Variants in TBC1D4 observed in about 807,000 individuals in gnomAD.
The protein encoded by TBC1D4 is TBC1 domain family member 4.
TBC1D4 carries 121 observed loss-of-function variants against 142.5 expected under a neutral mutation model. The observed-to-expected ratio is 0.85, with a 90% CI of 0.73 to 0.99. The LOEUF (loss-of-function observed/expected upper bound fraction) is 0.99. Among genes scored for constraint, TBC1D4 ranks in the 50% least tolerant of loss-of-function variants. The pLI, the probability that TBC1D4 is intolerant of heterozygous loss-of-function variation, is 0.00. For missense variants in TBC1D4, 1,475 were observed against 1,606.6 expected, an observed-to-expected ratio of 0.92 and a Z score of 1.40; for synonymous variants, 630 against 628.2, an observed-to-expected ratio of 1.00 and a Z score of -0.04.
intron 12 of TBC1D4, among the ~76,000 whole-genome samples, chr13:75,315,884 C>T (rs1566370883): frequency 6.6e-6 from 1 of 152,046 alleles, no homozygotes; most frequent in Admixed American, 6.5e-5. Context: ...TTGACCATGA[C>T]AATGTTGTTA....
chr13:75,300,371 C>T (rs1444714175), intron 16 of TBC1D4, among the ~76,000 whole-genome samples: 1 of 122,792 alleles, frequency 8.1e-6, no homozygotes, highest in Non-Finnish European at 1.8e-5. Flanking sequence ...TCAAAGCTGT[C>T]TATATTGGTA....
intron 3 of TBC1D4, among the ~76,000 whole-genome samples, chr13:75,356,738 C>T (rs142539561): frequency 7.9e-5 from 12 of 152,180 alleles, no homozygotes; most frequent in African/African-American, 2.9e-4. Context: ...TTTATAGACA[C>T]TCAAGCAGCC....
rs148895289 is a variant in TBC1D4, at chr13:75,425,948, G to C, written c.498+55322C>G. Reference sequence around the variant, plus strand: ...TATTATATACTCGAAGTCTTTGAGAGAGTAGATTTTAAAGGTTCTCACCAC... The same window carrying C: ...TATTATATACTCGAAGTCTTTGAGACAGTAGATTTTAAAGGTTCTCACCAC... On this transcript the variant is annotated intron_variant, in intron 1 of 20. Transcript: ENST00000377636. Among the ~76,000 whole-genome samples, 918 of 152,260 alleles carry C rather than the reference G, an allele frequency of 6.0e-3. 9 individuals are homozygous for C. The highest frequency in any genetic ancestry group is 0.021 in the African/African-American group (889 of 41,548).
chr13:75,344,873 T>A (rs1881023222), intron 5 of TBC1D4, among the ~76,000 whole-genome samples: 1 of 152,230 alleles, frequency 6.6e-6, no homozygotes, highest in Non-Finnish European at 1.5e-5. Context: ...TCTGGTTTTT[T>A]AAAATATCTT....
intron 13 of TBC1D4, among the ~76,000 whole-genome samples, chr13:75,311,250 T>C: frequency 6.6e-6 from 1 of 152,196 alleles, no homozygotes; most frequent in Non-Finnish European, 1.5e-5. Flanking sequence ...TTCTCTGATC[T>C]GCAAAGTTCA....
At chr13:75,367,366 T>C (rs149311931) in intron 1 of TBC1D4, among the ~76,000 whole-genome samples, 3 of 152,232 alleles carry the variant, frequency 2.0e-5, no homozygotes, top group East Asian at 3.9e-4. Flanking sequence ...TGTTTAAAAA[T>C]AGATATGACG....
Position 75,403,775 on chromosome 13 carries a change from T to C in TBC1D4, c.499-41168A>G, listed in dbSNP as rs145871020. Among the ~76,000 whole-genome samples, 7 of 152,306 alleles carry C rather than the reference T, an allele frequency of 4.6e-5. 1 individual carries two copies. In the East Asian group the frequency reaches 1.4e-3, roughly 29 times the overall value. ...ACTATTAAAAGTTTTGTGTTTACTATTTAAACAGCTCAAGAAAACTCACAA... is the reference window on the plus strand; with the variant it reads ...ACTATTAAAAGTTTTGTGTTTACTACTTAAACAGCTCAAGAAAACTCACAA... On this transcript the variant is annotated intron_variant, in intron 1 of 20. Coordinates refer to ENST00000377636, the MANE Select transcript of TBC1D4 (RefSeq NM_014832.5).
At chr13:75,436,062 G>A (rs920280005) in intron 1 of TBC1D4, among the ~76,000 whole-genome samples, 1 of 152,170 alleles carries the variant, frequency 6.6e-6, no homozygotes, top group Non-Finnish European at 1.5e-5. Flanking sequence ...ATTGAATCAT[G>A]GCAGCAGGTT....
chr13:75,404,328 T>C (rs1333443705), intron 1 of TBC1D4, among the ~76,000 whole-genome samples: 1 of 152,180 alleles, frequency 6.6e-6, no homozygotes, highest in Non-Finnish European at 1.5e-5. Context: ...ACACCCAGTT[T>C]CTTCTATTGT....
chr13:75,404,065 C>CACAT (rs1555317243), intron 1 of TBC1D4, among the ~76,000 whole-genome samples: 26 of 103,000 alleles, frequency 2.5e-4, no homozygotes, highest in Non-Finnish European at 4.2e-4. Context: ...TATATACATA[C>CACAT]ACACACACAC....
chr13:75,470,501 C>T (rs1385670384), intron 1 of TBC1D4, among the ~76,000 whole-genome samples: 1 of 152,114 alleles, frequency 6.6e-6, no homozygotes, highest in African/African-American at 2.4e-5. Context: ...CATATTGTAA[C>T]AAAACGTCCA....
intron 1 of TBC1D4, among the ~76,000 whole-genome samples, chr13:75,404,185 G>C (rs2138364514): frequency 6.6e-6 from 1 of 152,236 alleles, no homozygotes; most frequent in East Asian, 1.9e-4. Flanking sequence ...GGCGCAGTAA[G>C]AAAAAGCAGA....
At chr13:75,375,989 T>C (rs1298673610) in intron 1 of TBC1D4, 1 of 152,146 alleles carries the variant, frequency 6.6e-6, no homozygotes, top group Non-Finnish European at 1.5e-5. Context: ...GAACAACCTG[T>C]ATTCTTTTCA....
At chr13:75,353,387 T>C (rs1881777901) in intron 4 of TBC1D4, among the ~76,000 whole-genome samples, 1 of 152,102 alleles carries the variant, frequency 6.6e-6, no homozygotes, top group African/African-American at 2.4e-5. Context: ...AAGTTCAGAG[T>C]AATGCAGTCA....
chr13:75,307,376 C>T (rs61413190), intron 14 of TBC1D4, among the ~76,000 whole-genome samples: 3,204 of 152,260 alleles, frequency 0.021, 116 homozygotes, highest in African/African-American at 0.072. Flanking sequence ...TCTAACATAT[C>T]CGCCCAGAGC....
intron 1 of TBC1D4, among the ~76,000 whole-genome samples, chr13:75,461,683 T>A (rs1400949142): frequency 6.6e-6 from 1 of 152,212 alleles, no homozygotes. Context: ...ATTTCCTACA[T>A]ACAGGTAGCT....
At chr13:75,384,162 C>G (rs544291671) in intron 1 of TBC1D4, among the ~76,000 whole-genome samples, 1 of 152,206 alleles carries the variant, frequency 6.6e-6, no homozygotes, top group East Asian at 1.9e-4. Flanking sequence ...GTGGCTCACG[C>G]CTGTGCTGGG....
intron 6 of TBC1D4, 43 bp from the exon 7 acceptor site, chr13:75,341,278 T>C: frequency 5.9e-6 from 9 of 1,533,510 alleles, no homozygotes; most frequent in Non-Finnish European, 7.2e-6. Context: ...GCAACACCAC[T>C]TCCCTCCTTT....
intron 1 of TBC1D4, among the ~76,000 whole-genome samples, chr13:75,477,112 A>T (rs1888655577): frequency 6.6e-6 from 1 of 152,214 alleles, no homozygotes. Context: ...AGAATAAAAA[A>T]TGATTACAAA....
Sources: allele counts gnomAD v4.1 joint callset (sites outside exome capture counted in the v4.1 genomes callset), GRCh38; gene constraint gnomAD v4.1.1; transcripts MANE v1.5; gene names NCBI Gene and HGNC (gene_info 2026-07-23, HGNC 2026-07-21).